ARL15: variants seen among roughly 807,000 people sequenced by gnomAD.
ARL15 encodes the protein ADP-ribosylation factor-like protein 15.
In ARL15, 19 loss-of-function variants were observed where a neutral mutation model predicts 25.2. The ratio of observed to expected loss-of-function variants is 0.75; its 90% CI spans 0.53 to 1.10. The LOEUF is 1.10. ARL15 is among the 50% of genes least tolerant of loss of function. The probability of loss-of-function intolerance (pLI) is 0.00; values close to 1 mark genes in which losing one functional copy is unlikely to be tolerated. For missense variants in ARL15, 220 were observed against 246.0 expected (o/e 0.89, Z 0.71); for synonymous variants, 94 against 86.8 (o/e 1.08, Z -0.46).
chr5:53,931,518 G>A (rs1011733861), intron 4 of ARL15, among the ~76,000 whole-genome samples: 1 of 152,142 alleles, frequency 6.6e-6, no homozygotes, highest in African/African-American at 2.4e-5. Context: ...TTTAAGAATA[G>A]TCTCAGCATT....
intron 4 of ARL15, among the ~76,000 whole-genome samples, chr5:54,083,404 AT>A (rs1467635311): frequency 6.6e-6 from 1 of 151,170 alleles, no homozygotes; most frequent in Non-Finnish European, 1.5e-5. Context: ...ATTCTATGCA[AT>A]AGGGATTGAG....
chr5:54,137,498 T>G (rs1753638488), intron 3 of ARL15, among the ~76,000 whole-genome samples: 1 of 152,180 alleles, frequency 6.6e-6, no homozygotes, highest in South Asian at 2.1e-4. Flanking sequence ...CCTAGCCTAG[T>G]ACACATAAAA....
intron 1 of ARL15, among the ~76,000 whole-genome samples, chr5:54,281,200 T>C: frequency 6.6e-6 from 1 of 152,022 alleles, no homozygotes. Flanking sequence ...AGTGCAGTGG[T>C]ACGATCTCGG....
chr5:53,925,040 G>A lies in ARL15; in HGVS notation c.463-38327C>T, dbSNP rs560704479. 1.6e-3 allele frequency among the ~76,000 whole-genome samples: 231 copies of A among 147,878 alleles called. 1 individual carries two copies. Among genetic ancestry groups the A allele is most frequent in the Middle Eastern group, 6.8e-3 (2 of 292 alleles). ...CCTTCTACTGCCTTTAATAAAATCT[G>A]TTTCCTCCCAAGCTTCAATTTTCAA... On this transcript the variant is annotated intron_variant, in intron 4 of 4. Transcript: ENST00000504924.
At chr5:53,964,677 C>T (rs539349317) in intron 4 of ARL15, among the ~76,000 whole-genome samples, 2 of 152,250 alleles carry the variant, frequency 1.3e-5, no homozygotes, top group Non-Finnish European at 1.5e-5. Flanking sequence ...TGGTTTTAAA[C>T]ACTTAGTTAC....
At chr5:54,253,753 G>A (rs924032908) in intron 1 of ARL15, among the ~76,000 whole-genome samples, 1 of 152,044 alleles carries the variant, frequency 6.6e-6, no homozygotes, top group Admixed American at 6.6e-5. Context: ...ACCACGTCCA[G>A]CTAATTTTCC....
rs545313280 is a variant in ARL15, at chr5:54,179,703, G to A, written c.49-7775C>T. On this transcript the variant is annotated intron_variant, in intron 1 of 4. Transcript: ENST00000504924. ...TTCATTTAACCCTTTTTTGTCCTCT[G>A]GAAAGGATAAAACTTATGTATTAAG... Among the ~76,000 whole-genome samples, 24 of 151,976 alleles carry A rather than the reference G, an allele frequency of 1.6e-4. No homozygotes were observed. In the East Asian group the frequency reaches 1.9e-3, roughly 12 times the overall value.
chr5:53,935,701 G>A (rs984570519), intron 4 of ARL15, among the ~76,000 whole-genome samples: 1 of 152,212 alleles, frequency 6.6e-6, no homozygotes, highest in Middle Eastern at 3.2e-3. Flanking sequence ...TTTCCCCAAA[G>A]TAAACAACAA....
intron 1 of ARL15, among the ~76,000 whole-genome samples, chr5:54,207,251 C>T (rs1284227265): frequency 6.6e-6 from 1 of 152,204 alleles, no homozygotes; most frequent in African/African-American, 2.4e-5. Context: ...TCTGTCTGCA[C>T]AGGGAGACTA....
At chr5:54,254,271 A>G (rs1436363564) in intron 1 of ARL15, among the ~76,000 whole-genome samples, 2 of 152,186 alleles carry the variant, frequency 1.3e-5, no homozygotes, top group East Asian at 3.9e-4. Context: ...TTCATGATGC[A>G]CTCACATTTT....
At chr5:54,235,541 T>G (rs1360996229) in intron 1 of ARL15, among the ~76,000 whole-genome samples, 2 of 151,678 alleles carry the variant, frequency 1.3e-5, no homozygotes, top group Non-Finnish European at 2.9e-5. Context: ...ACCCAAGCTG[T>G]AGTACAGTGG....
intron 4 of ARL15, among the ~76,000 whole-genome samples, chr5:53,924,742 C>T (rs1172701635): frequency 6.6e-6 from 1 of 152,202 alleles, no homozygotes; most frequent in Non-Finnish European, 1.5e-5. Context: ...AACAAGGGTG[C>T]ACAGGGACTT....
In ARL15 at chr5:54,051,572, T is replaced by C. The variant is rs184357618; in HGVS notation, c.462+61630A>G. The stretch of plus-strand genomic sequence containing the variant: ...AACAGACAAGTAAGCAAGTAAATGA[T>C]GCTCAACGTCATCTGACATTAGGGA... On this transcript the variant is annotated intron_variant, in intron 4 of 4. Coordinates refer to ENST00000504924, the MANE Select transcript of ARL15 (RefSeq NM_019087.3). Among the ~76,000 whole-genome samples, 261 of 152,344 alleles carry C rather than the reference T, an allele frequency of 1.7e-3. 1 individual carries two copies. Among genetic ancestry groups the C allele is most frequent in the Middle Eastern group, 3.4e-3 (1 of 294 alleles).
intron 1 of ARL15, among the ~76,000 whole-genome samples, chr5:54,301,235 A>G (rs1442228804): frequency 6.6e-6 from 1 of 152,218 alleles, no homozygotes; most frequent in Admixed American, 6.5e-5. Flanking sequence ...AGGGCAGACT[A>G]ATGTCTTATT....
Position 53,886,369 on chromosome 5 carries a change from C to CT in ARL15, c.*191dup, listed in dbSNP as rs1383138522. On this transcript the variant is annotated 3_prime_UTR_variant, in exon 5 of 5. Transcript: ENST00000504924. ...ATAAATTCTCTCTCAGTAGTGTGTA[C>CT]TTGACGTTAATGCCGATGATAATTC... The CT allele has an allele frequency of 1.5e-5, 9 of 590,132 alleles. No individual in the cohort carries two copies. In the East Asian group the frequency reaches 2.7e-4, roughly 17 times the overall value. The allele number at this position is 590,132 out of a possible 1,614,324, so 36.6% of individuals were successfully genotyped here.
At chr5:53,892,366 C>CAA (rs1460940476) in intron 4 of ARL15, among the ~76,000 whole-genome samples, 1 of 152,076 alleles carries the variant, frequency 6.6e-6, no homozygotes, top group Non-Finnish European at 1.5e-5. Context: ...AAACCAAATA[C>CAA]AAAAGGCCAG....
intron 4 of ARL15, among the ~76,000 whole-genome samples, chr5:53,914,282 G>T (rs1479683678): frequency 2.0e-5 from 3 of 151,846 alleles, no homozygotes; most frequent in Admixed American, 2.0e-4. Flanking sequence ...AATCTAAATC[G>T]TGTAGAAAGC....
chr5:54,023,149 A>T (rs2111848680), intron 4 of ARL15, among the ~76,000 whole-genome samples: 1 of 152,296 alleles, frequency 6.6e-6, no homozygotes, highest in East Asian at 1.9e-4. Flanking sequence ...AGACAATTAT[A>T]TTATAAATGA....
intron 4 of ARL15, among the ~76,000 whole-genome samples, chr5:54,034,967 C>A (rs913496126): frequency 6.6e-6 from 1 of 151,866 alleles, no homozygotes; most frequent in Non-Finnish European, 1.5e-5. Context: ...CCACACCTGG[C>A]CTAAGAAATA....
Sources: allele counts gnomAD v4.1 joint callset (sites outside exome capture counted in the v4.1 genomes callset), GRCh38; gene constraint gnomAD v4.1.1; transcripts MANE v1.5; gene names NCBI Gene and HGNC (gene_info 2026-07-23, HGNC 2026-07-21).